The following TMEM270 variants were observed in gnomAD, a reference collection of about 807,000 sequenced individuals.
The protein encoded by TMEM270 is Williams-Beuren syndrome chromosome region 28.
In TMEM270, 30 loss-of-function variants were observed where a neutral mutation model predicts 29.9. The ratio of observed to expected loss-of-function variants is 1.00; its 90% confidence interval spans 0.75 to 1.36. The LOEUF (loss-of-function observed/expected upper bound fraction) is 1.36, where lower values mean the gene tolerates loss of function less well. TMEM270 is among the 40% of genes most tolerant of loss of function. TMEM270 has a pLI of 0.00. For synonymous variants in TMEM270, 135 were observed against 139.8 expected, an observed-to-expected ratio of 0.97 and a Z score of 0.24; for missense variants, 313 against 307.1, an observed-to-expected ratio of 1.02 and a Z score of -0.14.
In TMEM270 at chr7:73,865,191, G is replaced by C. The variant is rs372278877; in HGVS notation, c.271G>C (p.Val91Leu). Residue 91 changes from valine (V) to leucine (L), a missense_variant, in exon 2 of 3, where the codon GTG (valine) becomes CTG (leucine). Physicochemically the swap from Val to Leu is conservative, Grantham distance 32. Coordinates refer to ENST00000320531, the MANE Select transcript of TMEM270 (RefSeq NM_182504.4). ...LALIQVPVWL[V>L]LQGPRLMWAG... Reference sequence around the variant, plus strand: ...TCTGATACAGGTCCCCGTATGGCTGGTGCTACAGGGACCCAGGCTGATGTG... The same window carrying C: ...TCTGATACAGGTCCCCGTATGGCTGCTGCTACAGGGACCCAGGCTGATGTG... 7.9e-5 allele frequency: 128 copies of C among 1,613,708 alleles called. No homozygotes were observed. The highest frequency in any genetic ancestry group is 4.9e-4 in the Middle Eastern group (3 of 6,084).
rs1311128032 is a variant in TMEM270 at position 73,861,233 on chromosome 7, G to A, written c.39G>A (p.Gly13=). The change falls in exon 1 of 3, where the codon GGG becomes GGA. Residue 13 remains glycine (G), a synonymous_variant. Coordinates refer to ENST00000320531, the MANE Select transcript of TMEM270 (RefSeq NM_182504.4). ...CTCCAGTCAGATCCAGCCTTTTGGG[G>A]ATCCTGTTGCAGGTTACGAGGCTCT... ...ALPPVRSSLL[G]ILLQVTRLSV... 3.7e-6 allele frequency: 6 copies of A among 1,607,970 alleles called. No individual in the cohort carries two copies. Among genetic ancestry groups the A allele is most frequent in the Non-Finnish European group, 4.2e-6 (5 of 1,177,244 alleles).
Position 73,865,046 on chromosome 7 carries a change from C to G in TMEM270, c.126C>G (p.Leu42=), listed in dbSNP as rs201872219. The change falls in exon 2 of 3, where the codon CTC becomes CTG. Residue 42 remains leucine, a synonymous_variant. Transcript: ENST00000320531. The part of the protein sequence containing the change: ...LYNFLLLKIN[L]FNHWVSGLAQ... Reference sequence around the variant, plus strand: ...ATTTCCTGCTCCTCAAGATCAACCTCTTCAACCACTGGGTGTCAGGGCTGG... The same window carrying G: ...ATTTCCTGCTCCTCAAGATCAACCTGTTCAACCACTGGGTGTCAGGGCTGG... 5,456 of 1,523,548 alleles carry G rather than the reference C, an allele frequency of 3.6e-3. 5 individuals are homozygous for G. Among genetic ancestry groups the G allele is most frequent in the Non-Finnish European group, 4.2e-3 (4,782 of 1,136,450 alleles). 94.4% of individuals were successfully genotyped at this position (1,523,548 alleles called of 1,614,324 possible). A position where few individuals can be genotyped will look rare whatever the true frequency, so the allele number is the denominator to read the frequency against.
At chr7:73,862,943 G>C (rs1306553069) in intron 1 of TMEM270, among the ~76,000 whole-genome samples, 4 of 151,168 alleles carry the variant, frequency 2.6e-5, no homozygotes, top group African/African-American at 7.3e-5. Context: ...TGTGAATTTG[G>C]GCAAATCACT....
At position 73,861,659 on chromosome 7, in the gene TMEM270, C is replaced by A. The variant is rs114794078; in HGVS notation, c.72+393C>A. ...ATGGTGTCTCACTACGTTGCCCAGG[C>A]GGGTCTCCAACTCTTGGCCTCACAT... is the stretch of plus-strand genomic sequence containing the variant. On this transcript the variant is annotated intron_variant, in intron 1 of 2. Coordinates refer to ENST00000320531, the MANE Select transcript of TMEM270 (RefSeq NM_182504.4). 8.6e-3 allele frequency: 2,752 copies of A among 321,518 alleles called. 66 individuals are homozygous for A. Among genetic ancestry groups the A allele is most frequent in the African/African-American group, 0.054 (2,503 of 46,500 alleles). The allele number at this position is 321,518 out of a possible 1,614,324, so 19.9% of individuals were successfully genotyped here.
At chr7:73,864,243 G>T (rs1788851229) in intron 1 of TMEM270, among the ~76,000 whole-genome samples, 1 of 143,478 alleles carries the variant, frequency 7.0e-6, no homozygotes, top group African/African-American at 2.6e-5. Context: ...GGCATAATAA[G>T]AAGACTCCAT....
intron 1 of TMEM270, among the ~76,000 whole-genome samples, chr7:73,864,618 C>A (rs1484806360): frequency 6.6e-6 from 1 of 151,578 alleles, no homozygotes; most frequent in African/African-American, 2.4e-5. Context: ...AAGTGGGGTT[C>A]CTGGCCAGGC....
At chr7:73,861,356 T>A in intron 1 of TMEM270, 90 bp downstream of exon 1, 1 of 1,289,536 alleles carries the variant, frequency 7.8e-7, no homozygotes, top group Non-Finnish European at 1.1e-6. Flanking sequence ...AAGCCCTGCC[T>A]GTCCCATCCA....
intron 1 of TMEM270, among the ~76,000 whole-genome samples, chr7:73,863,164 G>A (rs956653480): frequency 3.3e-5 from 5 of 152,088 alleles, no homozygotes; most frequent in Admixed American, 2.0e-4. Flanking sequence ...GCCCGTGAGT[G>A]GGGGGTCTTG....
chr7:73,865,599 T>C lies in TMEM270; in HGVS notation c.524T>C (p.Val175Ala). 1.2e-6 allele frequency: 2 copies of C among 1,614,000 alleles called. No homozygotes were observed. The highest frequency in any genetic ancestry group is 1.7e-6 in the Non-Finnish European group (2 of 1,179,912). The change falls in exon 3 of 3, where the codon GTA becomes GCA. Residue 175 changes from valine to alanine, a missense_variant. Coordinates refer to ENST00000320531, the MANE Select transcript of TMEM270 (RefSeq NM_182504.4). ...LSKALQVNCV[V>A]RKLLVQLRRL... ...CAGGCCTTGCAAGTGAACTGCGTGG[T>C]AAGGAAGCTCCTGGTACAGCTGAGA...
chr7:73,861,305 C>T (rs782345675), intron 1 of TMEM270, 39 bp downstream of exon 1: 3 of 1,582,654 alleles, frequency 1.9e-6, no homozygotes, highest in Non-Finnish European at 2.6e-6. Flanking sequence ...GGGGACCACA[C>T]ACCAGGCCCT....
chr7:73,862,357 C>T (rs901486912), intron 1 of TMEM270, among the ~76,000 whole-genome samples: 25 of 152,146 alleles, frequency 1.6e-4, no homozygotes, highest in South Asian at 6.2e-4. Flanking sequence ...CCACCCACCT[C>T]GGCCTCCCAA....
rs1554639903 is a variant in TMEM270 at position 73,865,704 on chromosome 7, T to C, written c.629T>C (p.Leu210Pro). 1 of 1,614,096 alleles carries C rather than the reference T, an allele frequency of 6.2e-7. No homozygotes were observed. Among genetic ancestry groups the C allele is most frequent in the Non-Finnish European group, 8.5e-7 (1 of 1,179,968 alleles). Reference protein sequence around the residue: ...LAYLITWTTCLASHLLQAAFE... With the variant: ...LAYLITWTTCPASHLLQAAFE... ...TATCTCATCACCTGGACCACCTGCC[T>C]GGCCTCCCACCTGCTGCAGGCTGCC... Residue 210 changes from leucine (L) to proline (P), a missense_variant, in exon 3 of 3, where the codon CTG becomes CCG. Physicochemically the swap from Leu to Pro is moderately conservative, Grantham distance 98. Coordinates refer to ENST00000320531, the MANE Select transcript of TMEM270 (RefSeq NM_182504.4).
rs1788878575 is a variant in TMEM270 at position 73,865,256 on chromosome 7, C to T, written c.336C>T (p.Ala112=). The part of the protein sequence containing the change: ...MWGSTKGLGL[A]LLSAWEQLGL... ...GCAGCACCAAGGGCCTGGGCCTGGC[C>T]TTGCTCAGTGCCTGGGAGCAGCTGG... Residue 112 remains alanine (A), a synonymous_variant, in exon 2 of 3, where the codon GCC becomes GCT. Transcript: ENST00000320531. 2 of 1,613,572 alleles carry T rather than the reference C, an allele frequency of 1.2e-6. No individual in the cohort carries two copies. The highest frequency in any genetic ancestry group is 1.1e-5 in the South Asian group (1 of 91,084).
intron 1 of TMEM270, among the ~76,000 whole-genome samples, chr7:73,864,660 T>C (rs1554639675): frequency 6.6e-6 from 1 of 151,726 alleles, no homozygotes; most frequent in Admixed American, 6.6e-5. Context: ...CCCAGCACTT[T>C]GGGAGGCTGA....
At position 73,865,132 on chromosome 7, in the gene TMEM270, G is replaced by T. The variant is rs1554639756; in HGVS notation, c.212G>T (p.Cys71Phe). 1 of 1,604,478 alleles carries T rather than the reference G, an allele frequency of 6.2e-7. No homozygotes were observed. Among genetic ancestry groups the T allele is most frequent in the South Asian group, 1.1e-5 (1 of 90,326 alleles). The change falls in exon 2 of 3, where the codon TGC becomes TTC. Residue 71 changes from cysteine to phenylalanine, a missense_variant. By Grantham distance (205) the Cys-to-Phe change is radical. Transcript: ENST00000320531. ...QAHLPLGAAA[C>F]PLGQALWAGL... ...CACCTACCCCTGGGAGCTGCAGCCT[G>T]CCCCCTGGGCCAGGCTCTCTGGGCT...
intron 1 of TMEM270, among the ~76,000 whole-genome samples, chr7:73,863,713 TCTCTCTCCTTCA>T (rs1788839364): frequency 6.6e-6 from 1 of 152,076 alleles, no homozygotes. Flanking sequence ...TCTTTCTGGA[TCTCTCTCCTTCA>T]CCCTTCTCAT....
chr7:73,861,088 T>G, upstream of TMEM270: 1 of 1,066,462 alleles, frequency 9.4e-7, no homozygotes, highest in Non-Finnish European at 1.5e-6. Context: ...GTAAAGGCAG[T>G]GGGTCACTGG....
rs782198806 is a variant in TMEM270, at chr7:73,865,821, C to T, written c.746C>T (p.Ser249Leu). ...TTGCTGCCCTCACTGTCTGCGTCCT[C>T]GGACTCAGAGTCTGGAACAGTTTTG... ...SSLLPSLSASSDSESGTVLPE... is the reference protein window; with the variant it reads ...SSLLPSLSASLDSESGTVLPE... Residue 249 changes from serine to leucine, a missense_variant, in exon 3 of 3, where the codon TCG becomes TTG. By Grantham distance (145) the Ser-to-Leu change is moderately radical. Coordinates refer to ENST00000320531, the MANE Select transcript of TMEM270 (RefSeq NM_182504.4). 1.9e-5 allele frequency: 31 copies of T among 1,613,612 alleles called. No individual in the cohort carries two copies. In the East Asian group the frequency reaches 4.5e-4, roughly 23 times the overall value.
chr7:73,865,301 G>GAC lies in TMEM270; in HGVS notation c.383_384dup (p.Asp129GlnfsTer11), dbSNP rs782186615. On this transcript the variant is annotated frameshift_variant, in exon 2 of 3. Coordinates refer to ENST00000320531, the MANE Select transcript of TMEM270 (RefSeq NM_182504.4). LOFTEE classifies it high-confidence loss of function. ...AGCTGGGCCTGTCTGTGGCCATCTG[G>GAC]ACAGATCTGTTTTTGTCATGTCTGC... The GAC allele has an allele frequency of 1.2e-6, 2 of 1,613,392 alleles. No homozygotes were observed. The highest frequency in any genetic ancestry group is 2.2e-5 in the South Asian group (2 of 91,076).
Sources: allele counts gnomAD v4.1 joint callset (sites outside exome capture counted in the v4.1 genomes callset), GRCh38; gene constraint gnomAD v4.1.1; transcripts MANE v1.5; gene names NCBI Gene and HGNC (gene_info 2026-07-23, HGNC 2026-07-21).